Variants in FOXO1 observed in about 807,000 individuals in gnomAD.
The protein encoded by FOXO1 is forkhead box protein O1.
FOXO1 carries 6 observed loss-of-function variants against 44.1 expected under a neutral mutation model. That is an observed-to-expected ratio of 0.14 (90% CI 0.07 to 0.27). The LOEUF (loss-of-function observed/expected upper bound fraction) is 0.27, where lower values mean the gene tolerates loss of function less well. FOXO1 is among the 10% of genes least tolerant of loss of function. FOXO1 has a pLI of 1.00. For missense variants in FOXO1, 737 were observed against 888.8 expected (o/e 0.83, Z 2.17); for synonymous variants, 380 against 362.7 (o/e 1.05, Z -0.54).
At chr13:40,623,119 T>C (rs1876670195) in intron 1 of FOXO1, among the ~76,000 whole-genome samples, 1 of 144,662 alleles carries the variant, frequency 6.9e-6, no homozygotes, top group South Asian at 2.4e-4. Flanking sequence ...CCAATGGGAA[T>C]GTTTAAAAAA....
At chr13:40,630,339 A>C (rs1199659001) in intron 1 of FOXO1, among the ~76,000 whole-genome samples, 1 of 152,114 alleles carries the variant, frequency 6.6e-6, no homozygotes, top group Non-Finnish European at 1.5e-5. Flanking sequence ...GTTCCCACTG[A>C]AAAGCAAAAA....
intron 1 of FOXO1, among the ~76,000 whole-genome samples, chr13:40,645,929 G>C (rs1361328419): frequency 1.3e-5 from 2 of 152,054 alleles, no homozygotes; most frequent in African/African-American, 2.4e-5. Flanking sequence ...AGCCGGGCAT[G>C]GTGGCGCTTG....
At position 40,665,922 on chromosome 13, in the gene FOXO1, C is replaced by G; in HGVS notation, c.291G>C (p.Ala97=). ...PGSVAAAVAA[A]AAAAATGGLC... is the part of the protein sequence containing the mutation. ...GCCCCCCGGTGGCGGCCGCGGCGGC[C>G]GCCGCCGCCACCGCCGCCGCCACGG... The change falls in exon 1 of 3, where the codon GCG becomes GCC. Residue 97 remains alanine, a synonymous_variant. Coordinates refer to ENST00000379561, the MANE Select transcript of FOXO1 (RefSeq NM_002015.4). 8.3e-7 allele frequency: 1 copy of G among 1,201,410 alleles called. No individual in the cohort carries two copies. Among genetic ancestry groups the G allele is most frequent in the Non-Finnish European group, 1.0e-6 (1 of 971,258 alleles). 74.4% of individuals were successfully genotyped at this position (1,201,410 alleles called of 1,614,324 possible). A position where few individuals can be genotyped will look rare whatever the true frequency, so the allele number is the denominator to read the frequency against.
intron 1 of FOXO1, among the ~76,000 whole-genome samples, chr13:40,596,772 A>G (rs1341913130): frequency 6.6e-6 from 1 of 152,182 alleles, no homozygotes; most frequent in Admixed American, 6.5e-5. Flanking sequence ...TTCAAACATC[A>G]CTGATAACTC....
chr13:40,649,173 A>C (rs558582893), intron 1 of FOXO1, among the ~76,000 whole-genome samples: 4 of 152,334 alleles, frequency 2.6e-5, no homozygotes, highest in Non-Finnish European at 5.9e-5. Flanking sequence ...ACTAAGTGGA[A>C]AGGGGTTGTC....
At chr13:40,663,595 A>G (rs1878117651) in intron 1 of FOXO1, among the ~76,000 whole-genome samples, 2 of 152,224 alleles carry the variant, frequency 1.3e-5, no homozygotes, top group African/African-American at 4.8e-5. Flanking sequence ...AAGTAAGTCA[A>G]GTACTTAAAT....
At chr13:40,595,961 G>A (rs577896298) in intron 1 of FOXO1, among the ~76,000 whole-genome samples, 7 of 134,722 alleles carry the variant, frequency 5.2e-5, no homozygotes, top group Non-Finnish European at 7.8e-5. Flanking sequence ...TTTTTTTTGC[G>A]GGAAGGAGGT....
chr13:40,654,958 G>C (rs756090557), intron 1 of FOXO1, among the ~76,000 whole-genome samples: 1 of 152,138 alleles, frequency 6.6e-6, no homozygotes, highest in Non-Finnish European at 1.5e-5. Context: ...GAAGGATGAA[G>C]ATGTTTTATA....
At chr13:40,610,168 T>C (rs1876179230) in intron 1 of FOXO1, among the ~76,000 whole-genome samples, 2 of 152,156 alleles carry the variant, frequency 1.3e-5, no homozygotes, top group South Asian at 2.1e-4. Context: ...GCTGCCCGTT[T>C]TTATTAACTA....
At chr13:40,559,380 G>A (rs1032322935) in intron 2 of FOXO1, 129 bp downstream of exon 2, 6 of 800,556 alleles carry the variant, frequency 7.5e-6, no homozygotes, top group Non-Finnish European at 9.5e-6. Flanking sequence ...GAGAATGAAT[G>A]ATAAAAGATC....
intron 1 of FOXO1, among the ~76,000 whole-genome samples, chr13:40,646,241 T>C (rs1409883302): frequency 6.6e-6 from 1 of 151,466 alleles, no homozygotes; most frequent in Non-Finnish European, 1.5e-5. Context: ...ATTTGAGGGG[T>C]GTGAAGGAAT....
At chr13:40,644,967 G>A (rs1001225631) in intron 1 of FOXO1, among the ~76,000 whole-genome samples, 4 of 152,300 alleles carry the variant, frequency 2.6e-5, no homozygotes, top group Non-Finnish European at 5.9e-5. Flanking sequence ...TGCTAAACCA[G>A]ACTAAACCAG....
intron 1 of FOXO1, among the ~76,000 whole-genome samples, chr13:40,640,759 T>C (rs1051282276): frequency 3.8e-4 from 26 of 67,802 alleles, no homozygotes; most frequent in African/African-American, 8.2e-4. Context: ...GTTATTTCTT[T>C]TGTTGTTGTT....
At chr13:40,609,982 C>T (rs1876170965) in intron 1 of FOXO1, among the ~76,000 whole-genome samples, 1 of 152,032 alleles carries the variant, frequency 6.6e-6, no homozygotes, top group African/African-American at 2.4e-5. Flanking sequence ...ATTATGGTGA[C>T]CCGCCACTAA....
intron 1 of FOXO1, among the ~76,000 whole-genome samples, chr13:40,577,425 C>T (rs1237833312): frequency 2.0e-5 from 3 of 152,052 alleles, no homozygotes; most frequent in Admixed American, 1.3e-4. Flanking sequence ...CAACTTAAGA[C>T]AGGGTCTAAA....
chr13:40,642,444 T>TA (rs1384618134), intron 1 of FOXO1, among the ~76,000 whole-genome samples: 4 of 152,212 alleles, frequency 2.6e-5, no homozygotes. Context: ...TCACCACATA[T>TA]AAATGTAAAT....
intron 1 of FOXO1, among the ~76,000 whole-genome samples, chr13:40,585,993 T>C (rs1317038017): frequency 6.6e-6 from 1 of 152,188 alleles, no homozygotes; most frequent in East Asian, 1.9e-4. Flanking sequence ...TCCCTCCTCA[T>C]TTCCCATATA....
chr13:40,630,965 T>G (rs959278892), intron 1 of FOXO1, among the ~76,000 whole-genome samples: 2 of 152,188 alleles, frequency 1.3e-5, no homozygotes, highest in African/African-American at 4.8e-5. Context: ...CAAAGAGGCT[T>G]ACTAAAGTTA....
intron 1 of FOXO1, among the ~76,000 whole-genome samples, chr13:40,609,988 A>T (rs1045749088): frequency 1.3e-5 from 2 of 152,194 alleles, no homozygotes; most frequent in Admixed American, 1.3e-4. Flanking sequence ...GTGACCCGCC[A>T]CTAAATATTA....
Sources: gnomAD v4.1 joint callset for allele counts (sites outside exome capture counted in the v4.1 genomes callset) on GRCh38, gnomAD v4.1.1 for gene constraint, MANE v1.5 for transcripts, NCBI Gene and HGNC (gene_info 2026-07-23, HGNC 2026-07-21) for gene names.